AZIN1: variants seen among roughly 807,000 people sequenced by gnomAD.
AZIN1 encodes ornithine decarboxylase antizyme inhibitor.
A neutral mutation model predicts 47.4 loss-of-function variants in AZIN1; 12 were observed. The ratio of observed to expected loss-of-function variants is 0.25; its 90% confidence interval spans 0.16 to 0.41. The LOEUF is 0.41. Ranked by LOEUF, AZIN1 falls within the 10% of genes least tolerant of loss-of-function variation. The probability of loss-of-function intolerance (pLI) is 1.00; values close to 1 mark genes in which losing one functional copy is unlikely to be tolerated. For missense variants in AZIN1, 410 were observed against 532.4 expected (o/e 0.77, Z 2.26); for synonymous variants, 155 against 176.3 (o/e 0.88, Z 0.96).
At chr8:102,844,696 A>C (rs1812451927) in intron 2 of AZIN1, among the ~76,000 whole-genome samples, 1 of 152,222 alleles carries the variant, frequency 6.6e-6, no homozygotes, top group Non-Finnish European at 1.5e-5. Context: ...GCTGGCTAGA[A>C]TAGAGCTAAA....
In AZIN1 at chr8:102,829,886, C is replaced by T. The variant is rs1340229815; in HGVS notation, c.955G>A (p.Gly319Ser). 1.9e-6 allele frequency: 3 copies of T among 1,613,382 alleles called. No individual in the cohort carries two copies. Among genetic ancestry groups the T allele is most frequent in the Non-Finnish European group, 2.5e-6 (3 of 1,179,752 alleles). ...TTACTTGCAAAAGAACCATAAACAC[C>T]ATCATTCATATAATACATGAAGGCT... is the stretch of plus-strand genomic sequence containing the variant. ...EPAFMYYMND[G>S]VYGSFASKLS... The change falls in exon 10 of 12, where the codon GGT (glycine) becomes AGT (serine). Residue 319 changes from glycine (G) to serine (S), a missense_variant. Coordinates refer to ENST00000337198, the MANE Select transcript of AZIN1 (RefSeq NM_148174.4).
chr8:102,852,780 T>C (rs771687220), intron 2 of AZIN1, among the ~76,000 whole-genome samples: 20 of 152,152 alleles, frequency 1.3e-4, no homozygotes, highest in Non-Finnish European at 2.5e-4. Flanking sequence ...GAGAGCTAAA[T>C]ATCTGCTTTA....
Position 102,829,347 on chromosome 8 carries a change from T to C in AZIN1, c.1160A>G (p.Asp387Gly). 6.2e-7 allele frequency: 1 copy of C among 1,614,024 alleles called. No homozygotes were observed. Among genetic ancestry groups the C allele is most frequent in the South Asian group, 1.1e-5 (1 of 91,080 alleles). The change falls in exon 11 of 12, where the codon GAT becomes GGT. Residue 387 changes from aspartate to glycine, a missense_variant. By Grantham distance (94) the Asp-to-Gly change is moderately conservative. Transcript: ENST00000337198. ...DWLIFDNMGA[D>G]SFHEPSAFND... ...AAAAGCAGATGGTTCATGGAAAGAA[T>C]CTGCTCCCATGTTATCAAAGATAAG...
chr8:102,845,526 G>A (rs1563541820), intron 2 of AZIN1, among the ~76,000 whole-genome samples: 1 of 152,116 alleles, frequency 6.6e-6, no homozygotes, highest in African/African-American at 2.4e-5. Flanking sequence ...CAGGACTGCT[G>A]TAAATCTGTG....
At chr8:102,841,218 G>A (rs1812156939) in intron 3 of AZIN1, among the ~76,000 whole-genome samples, 1 of 152,174 alleles carries the variant, frequency 6.6e-6, no homozygotes, top group Non-Finnish European at 1.5e-5. Flanking sequence ...TAGTGGGAAT[G>A]GAGGAGATGA....
At chr8:102,863,476 G>C (rs1813885528) in intron 1 of AZIN1, among the ~76,000 whole-genome samples, 1 of 151,614 alleles carries the variant, frequency 6.6e-6, no homozygotes, top group Admixed American at 6.6e-5. Flanking sequence ...GGGGCCGCAC[G>C]CCGCCAGGAG....
At chr8:102,856,328 G>C (rs1813292930) in intron 2 of AZIN1, among the ~76,000 whole-genome samples, 1 of 152,110 alleles carries the variant, frequency 6.6e-6, no homozygotes, top group Non-Finnish European at 1.5e-5. Context: ...AAAGTTAAAA[G>C]CCAGTTATTC....
chr8:102,826,371 A>G lies in AZIN1; in HGVS notation c.*2196T>C, dbSNP rs1485520111. The G allele has an allele frequency of 6.6e-6, 1 of 152,646 alleles. No individual in the cohort carries two copies. The highest frequency in any genetic ancestry group is 1.5e-5 in the Non-Finnish European group (1 of 68,044). The allele number at this position is 152,646 out of a possible 1,614,324, so 9.5% of individuals were successfully genotyped here. A position where few individuals can be genotyped will look rare whatever the true frequency, so the allele number is the denominator to read the frequency against. ...AAAGTAAAACATGAGGAATAAAAAC[A>G]TTTATCTATGTATTCAGAATCACAC... is the stretch of plus-strand genomic sequence containing the variant. On this transcript the variant is annotated 3_prime_UTR_variant, in exon 12 of 12. Transcript: ENST00000337198.
chr8:102,858,145 T>C lies in AZIN1; in HGVS notation c.-228A>G, dbSNP rs2131284199. ...GGTAGTTGTATACTTGGTCAGAAAG[T>C]TCGCCCTAAAAGAAGGAAATAAAAG... On this transcript the variant is annotated 5_prime_UTR_variant, in exon 2 of 12. Transcript: ENST00000337198. 2.5e-6 allele frequency: 1 copy of C among 398,940 alleles called. No homozygotes were observed. Among genetic ancestry groups the C allele is most frequent in the South Asian group, 1.3e-4 (1 of 7,860 alleles). The allele number at this position is 398,940 out of a possible 1,614,324, so 24.7% of individuals were successfully genotyped here. A position where few individuals can be genotyped will look rare whatever the true frequency, so the allele number is the denominator to read the frequency against.
At position 102,862,905 on chromosome 8, in the gene AZIN1, C is replaced by G. The variant is rs140983865; in HGVS notation, c.-234+902G>C. Among the ~76,000 whole-genome samples, 19 of 152,342 alleles carry G rather than the reference C, an allele frequency of 1.2e-4. No individual in the cohort carries two copies. In the East Asian group the frequency reaches 3.3e-3, roughly 26 times the overall value. ...TCAGGATACCGTGTAAGGGTTAGAACATGTTACCACCACCAACTGTTGGCA... is the reference window on the plus strand; with the variant it reads ...TCAGGATACCGTGTAAGGGTTAGAAGATGTTACCACCACCAACTGTTGGCA... On this transcript the variant is annotated intron_variant, in intron 1 of 11. Coordinates refer to ENST00000337198, the MANE Select transcript of AZIN1 (RefSeq NM_148174.4).
rs1404689690 is a variant in AZIN1, at chr8:102,839,970, A to G, written c.103-147T>C. The G allele has an allele frequency of 6.2e-6, 3 of 480,086 alleles. No homozygotes were observed. The Admixed American group carries it at 1.2e-4, about 20-fold the overall frequency. The allele number at this position is 480,086 out of a possible 1,614,324, so 29.7% of individuals were successfully genotyped here. ...ACAGTAATACATTTAAAGCTTGTTA[A>G]CTAGATTTAGTAAACATTAAAAGAG... On this transcript the variant is annotated intron_variant, in intron 3 of 11. Transcript: ENST00000337198.
rs961987808 is a variant in AZIN1 at position 102,832,318 on chromosome 8, C to CA, written c.904+737dup. Among the ~76,000 whole-genome samples, 54 of 140,722 alleles carry CA rather than the reference C, an allele frequency of 3.8e-4. 1 individual carries two copies. Among genetic ancestry groups the CA allele is most frequent in the African/African-American group, 7.3e-4 (28 of 38,162 alleles). 92.3% of individuals were successfully genotyped at this position (140,722 alleles called of 152,430 possible). On this transcript the variant is annotated intron_variant, in intron 9 of 11. Transcript: ENST00000337198. ...TATGGGCTGTGGATTAGTCCACAGC[C>CA]AAAAAAAAAAGTCTTCTTAATGTAA...
intron 5 of AZIN1, among the ~76,000 whole-genome samples, chr8:102,837,774 C>A (rs576948317): frequency 6.6e-6 from 1 of 152,252 alleles, no homozygotes; most frequent in South Asian, 2.1e-4. Context: ...TATAGACATA[C>A]AAAGAAAATA....
intron 1 of AZIN1, chr8:102,858,920 C>T (rs1813456145): frequency 6.6e-6 from 1 of 152,088 alleles, no homozygotes; most frequent in Admixed American, 6.5e-5. Context: ...AAATGATATA[C>T]CTATGTTTCT....
chr8:102,854,171 T>C (rs879941180), intron 2 of AZIN1, among the ~76,000 whole-genome samples: 1 of 151,926 alleles, frequency 6.6e-6, no homozygotes, highest in Non-Finnish European at 1.5e-5. Context: ...ACTCCTGACT[T>C]CAGATGATCT....
intron 2 of AZIN1, among the ~76,000 whole-genome samples, chr8:102,846,812 C>G (rs1479335655): frequency 6.6e-6 from 1 of 152,184 alleles, no homozygotes; most frequent in African/African-American, 2.4e-5. Flanking sequence ...CACAGCCTTT[C>G]TTCATATGAT....
chr8:102,854,028 G>A (rs143264720), intron 2 of AZIN1, among the ~76,000 whole-genome samples: 3,049 of 152,030 alleles, frequency 0.02, 50 homozygotes, highest in South Asian at 0.037. Context: ...TGCAACCTCC[G>A]CCTCCCGGGT....
chr8:102,862,414 G>A lies in AZIN1; in HGVS notation c.-234+1393C>T, dbSNP rs556364891. On this transcript the variant is annotated intron_variant, in intron 1 of 11. Coordinates refer to ENST00000337198, the MANE Select transcript of AZIN1 (RefSeq NM_148174.4). ...GAAAACGTATGTGATAAAACCTTGGGGGAGAAAGGCACTGACTACTCGACC... is the reference window on the plus strand; with the variant it reads ...GAAAACGTATGTGATAAAACCTTGGAGGAGAAAGGCACTGACTACTCGACC... Among the ~76,000 whole-genome samples, 8 of 152,108 alleles carry A rather than the reference G, an allele frequency of 5.3e-5. No individual in the cohort carries two copies. In the South Asian group the frequency reaches 1.7e-3, roughly 32 times the overall value.
intron 4 of AZIN1, 126 bp from the exon 5 acceptor site, chr8:102,839,042 A>C (rs1223229095): frequency 3.7e-6 from 3 of 807,354 alleles, no homozygotes; most frequent in Admixed American, 6.2e-5. Flanking sequence ...TCCAGGCTGA[A>C]GTGCAATAGC....
Sources: allele counts gnomAD v4.1 joint callset (sites outside exome capture counted in the v4.1 genomes callset), GRCh38; gene constraint gnomAD v4.1.1; transcripts MANE v1.5; gene names NCBI Gene and HGNC (gene_info 2026-07-23, HGNC 2026-07-21).